Variants in XKR5 observed in about 807,000 individuals in gnomAD.
The protein encoded by XKR5 is XK related 5, also known as XK-related protein 5.
In XKR5, 46 loss-of-function variants were observed where a neutral mutation model predicts 40.8. That is an observed-to-expected ratio of 1.13 (90% confidence interval 0.89 to 1.44). The LOEUF (loss-of-function observed/expected upper bound fraction) is 1.44. XKR5 is among the 40% of genes most tolerant of loss of function. The probability of loss-of-function intolerance (pLI) is 0.00; values close to 1 mark genes in which losing one functional copy is unlikely to be tolerated. For synonymous variants in XKR5, 466 were observed against 356.1 expected, an observed-to-expected ratio of 1.31 and a Z score of -3.48; for missense variants, 1,169 against 844.7, an observed-to-expected ratio of 1.38 and a Z score of -4.76.
intron 6 of XKR5, among the ~76,000 whole-genome samples, chr8:6,814,611 G>A (rs980295007): frequency 1.3e-5 from 2 of 152,134 alleles, no homozygotes; most frequent in African/African-American, 4.8e-5. Flanking sequence ...ACCACTGGGG[G>A]AAAACCTGGT....
chr8:6,833,623 C>A (rs1425564275), intron 1 of XKR5, among the ~76,000 whole-genome samples: 1 of 152,142 alleles, frequency 6.6e-6, no homozygotes, highest in African/African-American at 2.4e-5. Flanking sequence ...GGATGAGGCA[C>A]CAGAATGGCT....
intron 4 of XKR5, among the ~76,000 whole-genome samples, chr8:6,822,498 AT>A (rs35990327): frequency 3.9e-5 from 6 of 152,162 alleles, no homozygotes; most frequent in African/African-American, 1.4e-4. Flanking sequence ...TTTCAAGCTG[AT>A]TTTTTTTAAA....
At chr8:6,828,005 C>G (rs768042428) in intron 2 of XKR5, among the ~76,000 whole-genome samples, 1 of 151,928 alleles carries the variant, frequency 6.6e-6, no homozygotes, top group Non-Finnish European at 1.5e-5. Context: ...AAGTTCAAGG[C>G]TGCAAGTGAG....
intron 2 of XKR5, among the ~76,000 whole-genome samples, chr8:6,829,677 G>A (rs548760977): frequency 3.7e-4 from 56 of 152,226 alleles, no homozygotes; most frequent in African/African-American, 1.3e-3. Context: ...GACCACGCCT[G>A]GCTAATTTGT....
At position 6,810,019 on chromosome 8, in the gene XKR5, G is replaced by A. The variant is rs1416689065; in HGVS notation, c.*1179C>T. On this transcript the variant is annotated 3_prime_UTR_variant, in exon 7 of 7. Transcript: ENST00000618742. ...TCCCAGCTACTCGAGAGGCTGAGGTGAGAGGATTGCTTAAGCCCTGGAGGT... is the reference window on the plus strand; with the variant it reads ...TCCCAGCTACTCGAGAGGCTGAGGTAAGAGGATTGCTTAAGCCCTGGAGGT... 6.6e-6 allele frequency: 1 copy of A among 152,254 alleles called. No individual in the cohort carries two copies. The highest frequency in any genetic ancestry group is 1.5e-5 in the Non-Finnish European group (1 of 68,104). The allele number at this position is 152,254 out of a possible 1,614,324, so 9.4% of individuals were successfully genotyped here.
intron 5 of XKR5, among the ~76,000 whole-genome samples, chr8:6,816,646 TTTTAA>T (rs1034351807): frequency 8.1e-5 from 12 of 147,572 alleles, no homozygotes; most frequent in Middle Eastern, 3.6e-3. Flanking sequence ...TTAATATATA[TTTTAA>T]TTTATTTTTA....
chr8:6,816,405 A>G (rs939477112), intron 5 of XKR5, among the ~76,000 whole-genome samples: 1 of 152,046 alleles, frequency 6.6e-6, no homozygotes, highest in African/African-American at 2.4e-5. Flanking sequence ...CTTTGCGGCC[A>G]CCAGGTGGCA....
At chr8:6,825,584 T>C (rs1202874702) in intron 2 of XKR5, among the ~76,000 whole-genome samples, 1 of 151,690 alleles carries the variant, frequency 6.6e-6, no homozygotes, top group Non-Finnish European at 1.5e-5. Flanking sequence ...CCACGTCTGG[T>C]ACCCCAGTAC....
intron 5 of XKR5, among the ~76,000 whole-genome samples, chr8:6,821,598 G>A (rs1804227065): frequency 6.6e-6 from 1 of 152,102 alleles, no homozygotes; most frequent in East Asian, 1.9e-4. Flanking sequence ...TCAGCAGGTG[G>A]GCTGATGTAG....
intron 1 of XKR5, 127 bp from the exon 2 acceptor site, chr8:6,833,027 G>A (rs772724259): frequency 6.9e-6 from 6 of 874,576 alleles, no homozygotes; most frequent in Non-Finnish European, 9.8e-6. Context: ...CTTTCTGGCT[G>A]GGGAGTGACT....
intron 2 of XKR5, among the ~76,000 whole-genome samples, chr8:6,825,908 G>A (rs1804452082): frequency 6.6e-6 from 1 of 152,220 alleles, no homozygotes; most frequent in Non-Finnish European, 1.5e-5. Flanking sequence ...AGGTCCAGGT[G>A]GCTGGAGCAC....
In XKR5 at chr8:6,821,282, C is replaced by T. The variant is rs534355987; in HGVS notation, c.807+587G>A. ...CCAAAAGTGTCTGTGGTCATCCTGACGAGAGGTGATGCTGGCAGCTACTCC... is the reference window on the plus strand; with the variant it reads ...CCAAAAGTGTCTGTGGTCATCCTGATGAGAGGTGATGCTGGCAGCTACTCC... On this transcript the variant is annotated intron_variant, in intron 5 of 6. Coordinates refer to ENST00000618742, the MANE Select transcript of XKR5 (RefSeq NM_207411.5). Among the ~76,000 whole-genome samples, 28 of 152,336 alleles carry T rather than the reference C, an allele frequency of 1.8e-4. No homozygotes were observed. In the South Asian group the frequency reaches 4.8e-3, roughly 26 times the overall value.
At chr8:6,833,658 G>A (rs1804870958) in intron 1 of XKR5, among the ~76,000 whole-genome samples, 1 of 152,188 alleles carries the variant, frequency 6.6e-6, no homozygotes, top group Non-Finnish European at 1.5e-5. Flanking sequence ...GGAGTTTGCA[G>A]TGAGTCGAGA....
chr8:6,824,964 A>G (rs1804393793), intron 3 of XKR5, among the ~76,000 whole-genome samples: 1 of 152,246 alleles, frequency 6.6e-6, no homozygotes, highest in South Asian at 2.1e-4. Context: ...ATGACCCTTA[A>G]GAAAGAAGGG....
intron 5 of XKR5, among the ~76,000 whole-genome samples, chr8:6,820,512 A>T (rs899914434): frequency 6.6e-6 from 1 of 152,210 alleles, no homozygotes; most frequent in Admixed American, 6.5e-5. Flanking sequence ...GCTCCTGCTT[A>T]TCTGGGCATT....
Position 6,814,050 on chromosome 8 carries a change from T to C in XKR5, c.920-1711A>G, listed in dbSNP as rs768503058. Among the ~76,000 whole-genome samples the C allele has an allele frequency of 2.2e-4, 34 of 152,170 alleles. 1 individual carries two copies. The highest frequency in any genetic ancestry group is 1.0e-4 in the Non-Finnish European group (7 of 68,018). On this transcript the variant is annotated intron_variant, in intron 6 of 6. Coordinates refer to ENST00000618742, the MANE Select transcript of XKR5 (RefSeq NM_207411.5). ...AGGCCCCTTCATTCCAAGTATCACA[T>C]GGCCCCTCCCTGAAGGAAGGATTGC...
Position 6,811,228 on chromosome 8 carries a change from C to T in XKR5, c.2031G>A (p.Gln677=), listed in dbSNP as rs753834373. 1.3e-6 allele frequency: 2 copies of T among 1,537,200 alleles called. No individual in the cohort carries two copies. Among genetic ancestry groups the T allele is most frequent in the East Asian group, 4.9e-5 (2 of 40,918 alleles). The change falls in exon 7 of 7, where the codon CAG becomes CAA. Residue 677 remains glutamine (Q), a synonymous_variant. Transcript: ENST00000618742. ...TGAAAAAACTCGGCTCTTGCTTCAT[C>T]TGTTCCCTGCAGCTGCAGTCCGTTT... is the stretch of plus-strand genomic sequence containing the variant. ...SIQTDCSCRE[Q]MKQEPSFFI is the part of the protein sequence containing the mutation.
intron 6 of XKR5, among the ~76,000 whole-genome samples, chr8:6,815,511 G>A (rs770515741): frequency 2.1e-4 from 32 of 152,214 alleles, no homozygotes; most frequent in Non-Finnish European, 4.3e-4. Context: ...AGGGGAGAGA[G>A]AAGTCACGTC....
In XKR5 at chr8:6,821,950, C is replaced by T. The variant is rs1295052452; in HGVS notation, c.726G>A (p.Leu242=). Residue 242 remains leucine (L), a synonymous_variant, in exon 5 of 7, where the codon CTG becomes CTA. Coordinates refer to ENST00000618742, the MANE Select transcript of XKR5 (RefSeq NM_207411.5). Reference sequence around the variant, plus strand: ...AGAGGATGTACACGGCCCCCACGAGCAGGTTGAACAGCCTCCAGTGGCAGG... The same window carrying T: ...AGAGGATGTACACGGCCCCCACGAGTAGGTTGAACAGCCTCCAGTGGCAGG... ...DSTCHWRLFN[L]LVGAVYILCY... 2 of 1,612,728 alleles carry T rather than the reference C, an allele frequency of 1.2e-6. No homozygotes were observed. Among genetic ancestry groups the T allele is most frequent in the Admixed American group, 3.3e-5 (2 of 59,830 alleles).
Sources: gnomAD v4.1 joint callset for allele counts (sites outside exome capture counted in the v4.1 genomes callset) on GRCh38, gnomAD v4.1.1 for gene constraint, MANE v1.5 for transcripts, NCBI Gene and HGNC (gene_info 2026-07-23, HGNC 2026-07-21) for gene names.